The following BMP7 variants were observed in gnomAD, a reference collection of about 807,000 sequenced individuals.
The protein encoded by BMP7 is osteogenic protein 1.
In BMP7, 12 loss-of-function variants were observed where a neutral mutation model predicts 41.2. That is an observed-to-expected ratio of 0.29 (90% CI 0.19 to 0.47). BMP7 has a LOEUF of 0.47. Among genes scored for constraint, BMP7 ranks in the 20% least tolerant of loss-of-function variants. BMP7 has a pLI of 0.99. For missense variants in BMP7, 467 were observed against 606.0 expected, an observed-to-expected ratio of 0.77 and a Z score of 2.41; for synonymous variants, 248 against 250.0, an observed-to-expected ratio of 0.99 and a Z score of 0.07.
intron 2 of BMP7, among the ~76,000 whole-genome samples, chr20:57,219,153 TCAGTGGTAGC>T (rs1985121305): frequency 1.0e-5 from 1 of 98,726 alleles, no homozygotes; most frequent in Non-Finnish European, 1.9e-5. Context: ...TAGCTGGTGT[TCAGTGGTAGC>T]TGTTCGGTGG....
chr20:57,263,718 G>A (rs571033544), intron 1 of BMP7, among the ~76,000 whole-genome samples: 28 of 152,322 alleles, frequency 1.8e-4, no homozygotes, highest in African/African-American at 6.5e-4. Flanking sequence ...CCAGGCTTCA[G>A]GAGGGCGACA....
intron 1 of BMP7, among the ~76,000 whole-genome samples, chr20:57,264,412 C>T (rs1378661623): frequency 6.6e-6 from 1 of 152,244 alleles, no homozygotes; most frequent in East Asian, 1.9e-4. Flanking sequence ...ACAGCGCTAT[C>T]GGGGTGTGTT....
Position 57,173,203 on chromosome 20 carries a change from C to T in BMP7, c.1143G>A (p.Thr381=), listed in dbSNP as rs753451605. 8.7e-6 allele frequency: 14 copies of T among 1,613,776 alleles called. No homozygotes were observed. Among genetic ancestry groups the T allele is most frequent in the East Asian group, 6.7e-5 (3 of 44,878 alleles). The part of the protein sequence containing the change: ...MNATNHAIVQ[T]LVHFINPETV... The stretch of plus-strand genomic sequence containing the variant: ...CCCAAGATGGCGTGACACCCACCAG[C>T]GTCTGCACGATGGCGTGGTTGGTGG... Residue 381 remains threonine (T), a synonymous_variant, in exon 6 of 7, where the codon ACG becomes ACA. Transcript: ENST00000395863.
chr20:57,177,148 G>C (rs6025425), intron 4 of BMP7, among the ~76,000 whole-genome samples: 74,794 of 151,826 alleles, frequency 0.49, 18,636 homozygotes, highest in South Asian at 0.64. Flanking sequence ...GAGAACAATT[G>C]TGGAATGAAA....
intron 1 of BMP7, among the ~76,000 whole-genome samples, chr20:57,236,650 C>A (rs1335821289): frequency 1.3e-5 from 2 of 152,010 alleles, no homozygotes; most frequent in East Asian, 1.9e-4. Context: ...GCAACAGTGG[C>A]CAGATTCAGA....
chr20:57,235,913 G>A (rs2066045882), intron 1 of BMP7, among the ~76,000 whole-genome samples: 1 of 74,528 alleles, frequency 1.3e-5, no homozygotes, highest in Non-Finnish European at 3.6e-5. Context: ...TGGATTATAG[G>A]GAGTGAGGAC....
At chr20:57,226,026 A>G in intron 2 of BMP7, 1 of 455,440 alleles carries the variant, frequency 2.2e-6, no homozygotes, top group Non-Finnish European at 4.6e-6. Context: ...CAGCACTAGA[A>G]TGGGCACCCC....
At chr20:57,237,848 A>G (rs2066053618) in intron 1 of BMP7, among the ~76,000 whole-genome samples, 2 of 152,234 alleles carry the variant, frequency 1.3e-5, no homozygotes, top group African/African-American at 4.8e-5. Context: ...TGTACTGTAG[A>G]AGAGTAGTTC....
intron 1 of BMP7, among the ~76,000 whole-genome samples, chr20:57,238,069 T>C (rs2066054439): frequency 6.6e-6 from 1 of 152,196 alleles, no homozygotes; most frequent in African/African-American, 2.4e-5. Flanking sequence ...ACTTTTTTCA[T>C]CTTGCAACGC....
intron 1 of BMP7, among the ~76,000 whole-genome samples, chr20:57,265,224 C>G (rs965484403): frequency 1.3e-5 from 2 of 152,176 alleles, no homozygotes; most frequent in African/African-American, 4.8e-5. Context: ...GGGCGCACCA[C>G]GAGGGGACAG....
At chr20:57,255,669 G>A (rs760278097) in intron 1 of BMP7, among the ~76,000 whole-genome samples, 1 of 151,832 alleles carries the variant, frequency 6.6e-6, no homozygotes, top group Non-Finnish European at 1.5e-5. Flanking sequence ...GCGTGGTTGT[G>A]GGAGCCTGTA....
chr20:57,183,846 C>A lies in BMP7; in HGVS notation c.834G>T (p.Val278=), dbSNP rs751694947. The change falls in exon 4 of 7, where the codon GTG becomes GTT. Residue 278 remains valine, a synonymous_variant. Transcript: ENST00000395863. ...GGACCTCCGTGGCCTTGAAGAAAGC[C>A]ACCATGAAGGGCTGCTTGTTCTGGG... The part of the protein sequence containing the change: ...HGPQNKQPFM[V]AFFKATEVHF... 1.1e-4 allele frequency: 177 copies of A among 1,614,082 alleles called. No homozygotes were observed. Among genetic ancestry groups the A allele is most frequent in the Non-Finnish European group, 1.4e-4 (167 of 1,180,050 alleles).
At chr20:57,176,750 T>TCACACACACACACACACACACA (rs60465573) in intron 4 of BMP7, among the ~76,000 whole-genome samples, 9 of 135,406 alleles carry the variant, frequency 6.6e-5, no homozygotes, top group African/African-American at 1.1e-4. Context: ...CATTCTCCAT[T>TCACACACACACACACACACACA]CACACACACA....
chr20:57,203,377 AT>A, intron 2 of BMP7, among the ~76,000 whole-genome samples: 1 of 152,246 alleles, frequency 6.6e-6, no homozygotes, highest in East Asian at 1.9e-4. Flanking sequence ...GGATGGGTAG[AT>A]GGGTAGGTGA....
chr20:57,223,489 A>G (rs1169682185), intron 2 of BMP7, among the ~76,000 whole-genome samples: 6 of 152,144 alleles, frequency 3.9e-5, no homozygotes, highest in Non-Finnish European at 8.8e-5. Flanking sequence ...AGGTGAGGGA[A>G]TCAGCACTAT....
rs996564775 is a variant in BMP7 at position 57,214,869 on chromosome 20, C to T, written c.612-12246G>A. ...TTCAGCCCTGGAGCGGCCTCTCCAC[C>T]AGGCACACAGCTTAGCACAAAGCAG... is the stretch of plus-strand genomic sequence containing the variant. On this transcript the variant is annotated intron_variant, in intron 2 of 6. Transcript: ENST00000395863. The surrounding 1 kb of genome is among the most constrained non-coding windows in gnomAD (Gnocchi z 4.0). 1.3e-5 allele frequency: 2 copies of T among 152,280 alleles called. No homozygotes were observed. Among genetic ancestry groups the T allele is most frequent in the African/African-American group, 4.8e-5 (2 of 41,466 alleles). 9.4% of individuals were successfully genotyped at this position (152,280 alleles called of 1,614,324 possible).
At chr20:57,175,721 C>A (rs1189246962) in intron 4 of BMP7, among the ~76,000 whole-genome samples, 1 of 152,188 alleles carries the variant, frequency 6.6e-6, no homozygotes, top group Non-Finnish European at 1.5e-5. Context: ...ACCTTCCTTC[C>A]ACCCCACAAC....
intron 1 of BMP7, among the ~76,000 whole-genome samples, chr20:57,248,421 C>T (rs1055449699): frequency 5.3e-5 from 8 of 152,118 alleles, no homozygotes; most frequent in African/African-American, 1.9e-4. Flanking sequence ...CAGTTTAGCC[C>T]AAGAGACAAG....
chr20:57,210,538 G>A (rs932592316), intron 2 of BMP7, among the ~76,000 whole-genome samples: 2 of 152,222 alleles, frequency 1.3e-5, no homozygotes, highest in African/African-American at 4.8e-5. Context: ...AGACTCCCAT[G>A]TGGGATGCAG....
Sources: gnomAD v4.1 joint callset for allele counts (sites outside exome capture counted in the v4.1 genomes callset) on GRCh38, gnomAD v4.1.1 for gene constraint, Gnocchi (gnomAD v3.1) non-coding constraint, MANE v1.5 for transcripts, NCBI Gene and HGNC (gene_info 2026-07-23, HGNC 2026-07-21) for gene names.